TCF12: variants seen among roughly 807,000 people sequenced by gnomAD.
The protein encoded by TCF12 is DNA-binding protein HTF4.
TCF12 carries 45 observed loss-of-function variants against 86.0 expected under a neutral mutation model. That is an observed-to-expected ratio of 0.52 (90% CI 0.41 to 0.67). TCF12 has a LOEUF of 0.67. TCF12 is among the 30% of genes least tolerant of loss of function. The pLI, the probability that TCF12 is intolerant of heterozygous loss-of-function variation, is 0.00. For synonymous variants in TCF12, 330 were observed against 299.6 expected, an observed-to-expected ratio of 1.10 and a Z score of -1.05; for missense variants, 881 against 859.9, an observed-to-expected ratio of 1.02 and a Z score of -0.31.
chr15:56,930,811 AAC>A (rs1211014049), intron 3 of TCF12, among the ~76,000 whole-genome samples: 4 of 152,136 alleles, frequency 2.6e-5, no homozygotes, highest in Admixed American at 6.5e-5. Flanking sequence ...AAAAGATCTC[AAC>A]CACAGTTAAC....
chr15:57,246,986 A>C lies in TCF12; in HGVS notation c.1114+3436A>C, dbSNP rs572423087. 37 of 541,332 alleles carry C rather than the reference A, an allele frequency of 6.8e-5. No individual in the cohort carries two copies. In the Middle Eastern group the frequency reaches 9.3e-4, roughly 14 times the overall value. The allele number at this position is 541,332 out of a possible 1,614,324, so 33.5% of individuals were successfully genotyped here. A position where few individuals can be genotyped will look rare whatever the true frequency, so the allele number is the denominator to read the frequency against. The stretch of plus-strand genomic sequence containing the variant: ...AGAACCTTCTGCTACCATATCCACC[A>C]CTTTCACCACCATGGGGAATGCCTG... On this transcript the variant is annotated intron_variant, in intron 13 of 20. Coordinates refer to ENST00000333725, the MANE Select transcript of TCF12 (RefSeq NM_207037.2).
At chr15:57,032,558 A>G (rs574740573) in intron 3 of TCF12, among the ~76,000 whole-genome samples, 36 of 152,258 alleles carry the variant, frequency 2.4e-4, no homozygotes, top group Admixed American at 7.9e-4. Context: ...CCTCCAGAGT[A>G]GCTGGGACTA....
chr15:57,206,194 A>G (rs745897534), intron 8 of TCF12, among the ~76,000 whole-genome samples: 1 of 152,192 alleles, frequency 6.6e-6, no homozygotes, highest in African/African-American at 2.4e-5. Flanking sequence ...CCAGGGTCTT[A>G]AGGCACTAAA....
chr15:57,220,980 T>C (rs2058563755), intron 8 of TCF12, among the ~76,000 whole-genome samples: 1 of 152,168 alleles, frequency 6.6e-6, no homozygotes, highest in African/African-American at 2.4e-5. Context: ...GGCTTAAAAT[T>C]AGATATGGTT....
intron 18 of TCF12, among the ~76,000 whole-genome samples, chr15:57,272,779 C>T (rs561962010): frequency 6.6e-6 from 1 of 152,168 alleles, no homozygotes; most frequent in African/African-American, 2.4e-5. Context: ...CTGGAGAAAT[C>T]TTTATGCTAT....
intron 15 of TCF12, 106 bp from the exon 16 acceptor site, chr15:57,253,156 C>T: frequency 8.1e-7 from 1 of 1,229,598 alleles, no homozygotes; most frequent in Non-Finnish European, 1.2e-6. Context: ...CTTGATACTG[C>T]ATTTCACTTG....
In TCF12 at chr15:57,282,134, A is replaced by T. The variant is rs996461875; in HGVS notation, c.1979-311A>T. 1.6e-5 allele frequency: 6 copies of T among 379,788 alleles called. No homozygotes were observed. The East Asian group carries it at 3.3e-4, about 21-fold the overall frequency. 23.5% of individuals were successfully genotyped at this position (379,788 alleles called of 1,614,324 possible). On this transcript the variant is annotated intron_variant, in intron 19 of 20. Coordinates refer to ENST00000333725, the MANE Select transcript of TCF12 (RefSeq NM_207037.2). ...CGTGTCTTAGTAGGACATTGAAGAG[A>T]CTTGGTAGCCTAATAACAACAGCAT...
At chr15:57,013,379 C>T (rs572530187) in intron 3 of TCF12, among the ~76,000 whole-genome samples, 14 of 152,274 alleles carry the variant, frequency 9.2e-5, no homozygotes, top group East Asian at 5.8e-4. Flanking sequence ...GGCACGATCC[C>T]GGCTAACTGC....
At chr15:57,001,654 C>T (rs1217832385) in intron 3 of TCF12, among the ~76,000 whole-genome samples, 4 of 152,170 alleles carry the variant, frequency 2.6e-5, no homozygotes, top group African/African-American at 9.7e-5. Context: ...TCTGACTTTC[C>T]TTGAAGGGTC....
intron 3 of TCF12, among the ~76,000 whole-genome samples, chr15:56,929,898 G>A (rs1269620375): frequency 6.6e-6 from 1 of 152,126 alleles, no homozygotes; most frequent in East Asian, 1.9e-4. Context: ...TAAATTTGTG[G>A]TAATCTATGG....
intron 19 of TCF12, among the ~76,000 whole-genome samples, chr15:57,278,877 T>C (rs1404585621): frequency 6.6e-6 from 1 of 151,594 alleles, no homozygotes; most frequent in Non-Finnish European, 1.5e-5. Flanking sequence ...TTTCTTTCTT[T>C]TTGTCTTATT....
chr15:56,930,259 T>C (rs1162214120), intron 3 of TCF12, among the ~76,000 whole-genome samples: 2 of 152,232 alleles, frequency 1.3e-5, no homozygotes, highest in Non-Finnish European at 2.9e-5. Flanking sequence ...TGGTTGGGGA[T>C]GAATAAGTGG....
chr15:57,151,289 G>C (rs1479508727), intron 5 of TCF12, among the ~76,000 whole-genome samples: 2 of 151,384 alleles, frequency 1.3e-5, no homozygotes, highest in African/African-American at 4.9e-5. Flanking sequence ...CCCCCTAAAT[G>C]TCATTTTTAG....
At chr15:57,116,555 C>T (rs1228845745) in intron 5 of TCF12, among the ~76,000 whole-genome samples, 2 of 152,044 alleles carry the variant, frequency 1.3e-5, no homozygotes, top group African/African-American at 2.4e-5. Flanking sequence ...CAGTGTTGCC[C>T]AGGCTGGTCT....
chr15:56,936,676 C>T (rs1231238150), intron 3 of TCF12, among the ~76,000 whole-genome samples: 3 of 152,050 alleles, frequency 2.0e-5, no homozygotes, highest in African/African-American at 7.2e-5. Flanking sequence ...GATGAGGATC[C>T]AATTTCGTTC....
At chr15:57,118,848 A>G (rs1469044833) in intron 5 of TCF12, among the ~76,000 whole-genome samples, 1 of 152,190 alleles carries the variant, frequency 6.6e-6, no homozygotes, top group East Asian at 1.9e-4. Context: ...GAATTTCCAT[A>G]TCTGTGTATG....
chr15:57,063,682 T>C, intron 3 of TCF12, 68 bp from the exon 4 acceptor site: 2 of 1,366,898 alleles, frequency 1.5e-6, no homozygotes, highest in South Asian at 1.3e-5. Flanking sequence ...TGTACTCTGC[T>C]GTCCCGTACC....
At chr15:57,247,005 A>G in intron 13 of TCF12, 1 of 544,088 alleles carries the variant, frequency 1.8e-6, no homozygotes, top group Middle Eastern at 3.1e-4. Flanking sequence ...ACCATGGGGA[A>G]TGCCTGAGCT....
intron 16 of TCF12, among the ~76,000 whole-genome samples, chr15:57,259,171 C>G (rs1259952592): frequency 2.0e-5 from 3 of 151,824 alleles, no homozygotes; most frequent in Non-Finnish European, 4.4e-5. Flanking sequence ...AAAATGGCAA[C>G]TTTTTTAAAA....
Sources: allele counts gnomAD v4.1 joint callset (sites outside exome capture counted in the v4.1 genomes callset), GRCh38; gene constraint gnomAD v4.1.1; transcripts MANE v1.5; gene names NCBI Gene and HGNC (gene_info 2026-07-23, HGNC 2026-07-21).